The following CSMD1 variants were observed in gnomAD, a reference collection of about 807,000 sequenced individuals.
The protein encoded by CSMD1 is CUB and Sushi multiple domains 1.
CSMD1 carries 213 observed loss-of-function variants against 417.5 expected under a neutral mutation model. The observed-to-expected ratio is 0.51, with a 90% confidence interval of 0.46 to 0.57. The LOEUF (loss-of-function observed/expected upper bound fraction) is 0.57, where lower values mean the gene tolerates loss of function less well. Ranked by LOEUF, CSMD1 falls within the 20% of genes least tolerant of loss-of-function variation. The pLI, the probability that CSMD1 is intolerant of heterozygous loss-of-function variation, is 0.00. For synonymous variants in CSMD1, 2,862 were observed against 1,736.8 expected (o/e 1.65, Z -16.11); for missense variants, 6,923 against 4,529.7 (o/e 1.53, Z -15.17).
At chr8:4,954,461 T>C (rs149388837) in intron 1 of CSMD1, among the ~76,000 whole-genome samples, 5 of 152,296 alleles carry the variant, frequency 3.3e-5, no homozygotes, top group South Asian at 2.1e-4. Context: ...ATTTATTGAT[T>C]TGAATGATGA....
intron 1 of CSMD1, among the ~76,000 whole-genome samples, chr8:4,750,835 G>C (rs1458288119): frequency 6.6e-6 from 1 of 152,086 alleles, no homozygotes; most frequent in African/African-American, 2.4e-5. Context: ...AGGGTCTACT[G>C]ATAGCTGATG....
chr8:4,016,232 C>A (rs1426824422), intron 4 of CSMD1, among the ~76,000 whole-genome samples: 1 of 152,090 alleles, frequency 6.6e-6, no homozygotes, highest in Non-Finnish European at 1.5e-5. Flanking sequence ...TGTGATCTCT[C>A]CATTCCCTTT....
At chr8:3,759,753 A>T (rs1206438846) in intron 5 of CSMD1, among the ~76,000 whole-genome samples, 2 of 151,210 alleles carry the variant, frequency 1.3e-5, no homozygotes, top group East Asian at 3.9e-4. Flanking sequence ...AAAAAAAAAA[A>T]AAAAATTAGC....
chr8:3,075,979 A>T (rs1384512397), intron 49 of CSMD1, among the ~76,000 whole-genome samples: 1 of 150,844 alleles, frequency 6.6e-6, no homozygotes, highest in African/African-American at 2.4e-5. Flanking sequence ...TGAACCTGGG[A>T]GGCGCAGCTT....
intron 12 of CSMD1, among the ~76,000 whole-genome samples, chr8:3,411,570 C>T (rs1321974236): frequency 6.6e-6 from 1 of 151,372 alleles, no homozygotes; most frequent in Non-Finnish European, 1.5e-5. Context: ...TGGGTTACTT[C>T]ACTTAGAATA....
intron 12 of CSMD1, among the ~76,000 whole-genome samples, chr8:3,460,235 T>C (rs994917787): frequency 6.6e-6 from 1 of 152,096 alleles, no homozygotes; most frequent in Non-Finnish European, 1.5e-5. Context: ...ATGATCTACA[T>C]GGTGAGTCCA....
intron 2 of CSMD1, among the ~76,000 whole-genome samples, chr8:4,618,877 G>T (rs138224912): frequency 6.6e-6 from 1 of 152,088 alleles, no homozygotes. Context: ...AAGAGTACAC[G>T]TAATAGAATA....
chr8:4,785,783 T>A (rs1239905117), intron 1 of CSMD1, among the ~76,000 whole-genome samples: 1 of 152,112 alleles, frequency 6.6e-6, no homozygotes, highest in Non-Finnish European at 1.5e-5. Flanking sequence ...CCGGGAACCT[T>A]ATAAGATATA....
intron 26 of CSMD1, among the ~76,000 whole-genome samples, chr8:3,239,528 T>C (rs542733006): frequency 5.3e-5 from 8 of 152,154 alleles, no homozygotes; most frequent in Non-Finnish European, 1.0e-4. Flanking sequence ...TTTGCCAGTC[T>C]TGGGCAGGGG....
chr8:3,454,007 G>C (rs1815935242), intron 12 of CSMD1, among the ~76,000 whole-genome samples: 1 of 152,108 alleles, frequency 6.6e-6, no homozygotes, highest in African/African-American at 2.4e-5. Context: ...TGTATTGGGT[G>C]CATATATATT....
chr8:3,738,802 G>A (rs1165253354), intron 6 of CSMD1, among the ~76,000 whole-genome samples: 1 of 152,114 alleles, frequency 6.6e-6, no homozygotes, highest in Non-Finnish European at 1.5e-5. Flanking sequence ...ATACAGATAG[G>A]CTCACACGCG....
intron 1 of CSMD1, among the ~76,000 whole-genome samples, chr8:4,838,173 A>G (rs1464732098): frequency 6.6e-6 from 1 of 152,166 alleles, no homozygotes; most frequent in Non-Finnish European, 1.5e-5. Flanking sequence ...TGTGGAAGTT[A>G]GCTTGTGTGC....
At chr8:4,611,499 A>C (rs1176952354) in intron 2 of CSMD1, among the ~76,000 whole-genome samples, 1 of 152,144 alleles carries the variant, frequency 6.6e-6, no homozygotes, top group African/African-American at 2.4e-5. Context: ...TAGATATAAA[A>C]CTTGTGGATA....
At chr8:3,572,310 A>G (rs943444753) in intron 10 of CSMD1, among the ~76,000 whole-genome samples, 4 of 152,160 alleles carry the variant, frequency 2.6e-5, no homozygotes, top group East Asian at 3.9e-4. Flanking sequence ...CAGGAGCTTC[A>G]GGGAGCAGTT....
At chr8:3,248,254 G>A (rs1395501661) in intron 26 of CSMD1, among the ~76,000 whole-genome samples, 2 of 152,164 alleles carry the variant, frequency 1.3e-5, no homozygotes, top group East Asian at 1.9e-4. Flanking sequence ...ATTTTAACTT[G>A]CAATTAGGGT....
intron 5 of CSMD1, among the ~76,000 whole-genome samples, chr8:3,937,474 C>T (rs1037819746): frequency 2.6e-5 from 4 of 152,106 alleles, no homozygotes; most frequent in East Asian, 1.9e-4. Context: ...GACGAAAGAC[C>T]TTCCACCAGC....
intron 5 of CSMD1, among the ~76,000 whole-genome samples, chr8:3,966,124 C>G (rs1029814386): frequency 6.6e-6 from 1 of 152,120 alleles, no homozygotes; most frequent in Non-Finnish European, 1.5e-5. Flanking sequence ...GGAATAGGCT[C>G]CCATCCATGC....
At chr8:3,320,872 A>T (rs1806108714) in intron 23 of CSMD1, among the ~76,000 whole-genome samples, 1 of 152,156 alleles carries the variant, frequency 6.6e-6, no homozygotes, top group Admixed American at 6.5e-5. Context: ...CTTGCCGCAC[A>T]CTTTTGCCCC....
At chr8:4,463,944 G>C (rs550456263) in intron 2 of CSMD1, among the ~76,000 whole-genome samples, 1 of 152,230 alleles carries the variant, frequency 6.6e-6, no homozygotes, top group South Asian at 2.1e-4. Flanking sequence ...CTCAGGACTA[G>C]AGAACAGAGC....
Sources: allele counts gnomAD v4.1 joint callset (sites outside exome capture counted in the v4.1 genomes callset), GRCh38; gene constraint gnomAD v4.1.1; transcripts MANE v1.5; gene names NCBI Gene and HGNC (gene_info 2026-07-23, HGNC 2026-07-21).